PKP2: variants seen among roughly 807,000 people sequenced by gnomAD.
The protein encoded by PKP2 is plakophilin 2.
Under a neutral mutation model 83.4 loss-of-function variants are expected in PKP2, and 73 were observed. The observed-to-expected ratio is 0.88, with a 90% CI of 0.72 to 1.06. The LOEUF is 1.06. PKP2 is among the 50% of genes least tolerant of loss of function. The pLI, the probability that PKP2 is intolerant of heterozygous loss-of-function variation, is 0.00. For missense variants in PKP2, 966 were observed against 1,065.4 expected, an observed-to-expected ratio of 0.91 and a Z score of 1.30; for synonymous variants, 409 against 430.4, an observed-to-expected ratio of 0.95 and a Z score of 0.62.
Position 32,896,523 on chromosome 12 carries a change from C to G in PKP2, c.209G>C (p.Ser70Thr), listed in dbSNP as rs75909145. The G allele has an allele frequency of 1.3e-6, 2 of 1,549,618 alleles. No homozygotes were observed. The highest frequency in any genetic ancestry group is 2.3e-5 in the South Asian group (2 of 85,242). The change falls in exon 1 of 13, where the codon AGC (serine) becomes ACC (threonine). Residue 70 changes from serine to threonine, a missense_variant. Ser to Thr is a moderately conservative substitution (Grantham distance 58). Transcript: ENST00000340811. ...GCTCCACTCACCGTTGCCCACGGAG[C>G]TGCGGCCCTTCCGGGCGAGGGTCTG... Reference protein sequence around the residue: ...VQQTLARKGRSSVGNGNLHRT... With the variant: ...VQQTLARKGRTSVGNGNLHRT...
chr12:32,817,890 T>A (rs1330479583), intron 9 of PKP2, among the ~76,000 whole-genome samples: 1 of 152,174 alleles, frequency 6.6e-6, no homozygotes, highest in Non-Finnish European at 1.5e-5. Context: ...TTATTAGTGC[T>A]TGAGCTCCAC....
At chr12:32,876,966 G>C (rs2137943030) in intron 3 of PKP2, among the ~76,000 whole-genome samples, 1 of 152,332 alleles carries the variant, frequency 6.6e-6, no homozygotes, top group South Asian at 2.1e-4. Flanking sequence ...ATCATTTTGA[G>C]AAGTAGTTTA....
Position 32,880,234 on chromosome 12 carries a change from T to C in PKP2, c.224-1202A>G, listed in dbSNP as rs184558074. Among the ~76,000 whole-genome samples the C allele has an allele frequency of 1.5e-3, 222 of 151,676 alleles. 4 individuals carry two copies. The East Asian group carries it at 0.04, about 27-fold the overall frequency. On this transcript the variant is annotated intron_variant, in intron 1 of 12. Transcript: ENST00000340811. ...TGGCCAACATGGTGAAACCGGTCTCTCCTAAAAATACAAAAATTAGTCGGG... is the reference window on the plus strand; with the variant it reads ...TGGCCAACATGGTGAAACCGGTCTCCCCTAAAAATACAAAAATTAGTCGGG...
At chr12:32,850,096 C>T (rs537499027) in intron 5 of PKP2, among the ~76,000 whole-genome samples, 3 of 152,318 alleles carry the variant, frequency 2.0e-5, no homozygotes, top group African/African-American at 4.8e-5. Flanking sequence ...AAATCCTACA[C>T]GTTCTTAAAC....
chr12:32,860,872 AC>A (rs1391789931), intron 4 of PKP2, among the ~76,000 whole-genome samples: 3 of 152,116 alleles, frequency 2.0e-5, no homozygotes, highest in Non-Finnish European at 4.4e-5. Flanking sequence ...TACTAAAAAT[AC>A]AAAAATTAGC....
chr12:32,829,548 G>A (rs981081907), intron 6 of PKP2, among the ~76,000 whole-genome samples: 2 of 152,022 alleles, frequency 1.3e-5, no homozygotes, highest in Non-Finnish European at 2.9e-5. Flanking sequence ...CCAAAATTTT[G>A]TTTTTTAAAT....
At chr12:32,865,576 C>T (rs769349405) in intron 4 of PKP2, among the ~76,000 whole-genome samples, 11 of 149,234 alleles carry the variant, frequency 7.4e-5, no homozygotes, top group Non-Finnish European at 1.5e-4. Flanking sequence ...ATCCCAGCTA[C>T]TTGGGAGGCT....
chr12:32,840,864 C>T (rs537310336), intron 6 of PKP2, among the ~76,000 whole-genome samples, 164 bp downstream of exon 6: 54 of 151,956 alleles, frequency 3.6e-4, no homozygotes, highest in Admixed American at 5.9e-4. Flanking sequence ...GGCAACAGAG[C>T]GAGACTCTGT....
chr12:32,841,482 A>G (rs887781786), intron 5 of PKP2, among the ~76,000 whole-genome samples: 3 of 152,232 alleles, frequency 2.0e-5, no homozygotes, highest in Non-Finnish European at 4.4e-5. Context: ...GACATGCTTA[A>G]GCATTTATTG....
chr12:32,869,195 A>G, intron 3 of PKP2, 133 bp from the exon 4 acceptor site: 1 of 1,055,450 alleles, frequency 9.5e-7, no homozygotes, highest in East Asian at 2.4e-5. Flanking sequence ...TCTTCAGCCA[A>G]AAGAAAAATC....
intron 4 of PKP2, among the ~76,000 whole-genome samples, chr12:32,867,076 C>G (rs946478618): frequency 6.6e-6 from 1 of 152,164 alleles, no homozygotes; most frequent in Non-Finnish European, 1.5e-5. Flanking sequence ...GCCTGTAACC[C>G]CAGAACTTTG....
rs794729099 is a variant in PKP2 at position 32,792,699 on chromosome 12, G to A, written c.2390C>T (p.Ser797Phe). The change falls in exon 12 of 13, where the codon TCC becomes TTC. Residue 797 changes from serine (S) to phenylalanine (F), a missense_variant. Ser to Phe is a radical substitution (Grantham distance 155, BLOSUM62 -2). Transcript: ENST00000340811. ...TGCCCACAGAGAATACAGAAGGACG[G>A]AAGCAGCTTTACTTGCTTTGTTGGA... ...YASNKASKAA[S>F]VLLYSLWAHT... 6.2e-7 allele frequency: 1 copy of A among 1,614,012 alleles called. No individual in the cohort carries two copies. Among genetic ancestry groups the A allele is most frequent in the African/African-American group, 1.3e-5 (1 of 74,910 alleles).
intron 6 of PKP2, among the ~76,000 whole-genome samples, chr12:32,837,114 T>C (rs899300391): frequency 1.3e-5 from 2 of 152,236 alleles, no homozygotes; most frequent in Admixed American, 1.3e-4. Flanking sequence ...GAAATGCTGA[T>C]ACAGTGCCCA....
At chr12:32,839,403 A>G (rs1171246158) in intron 6 of PKP2, among the ~76,000 whole-genome samples, 4 of 145,368 alleles carry the variant, frequency 2.8e-5, no homozygotes, top group Non-Finnish European at 6.0e-5. Flanking sequence ...GTGGCTAAGC[A>G]AGGGCTGCCT....
chr12:32,832,249 G>A (rs1172635065), intron 6 of PKP2, among the ~76,000 whole-genome samples: 12 of 151,904 alleles, frequency 7.9e-5, no homozygotes, highest in Admixed American at 6.6e-5. Flanking sequence ...GTGGTGGTGC[G>A]CACCTGTAGT....
At chr12:32,841,919 A>G (rs1956596276) in intron 5 of PKP2, among the ~76,000 whole-genome samples, 2 of 152,222 alleles carry the variant, frequency 1.3e-5, no homozygotes, top group South Asian at 4.1e-4. Flanking sequence ...TGCATGGCCT[A>G]AGTACTGCTC....
intron 4 of PKP2, among the ~76,000 whole-genome samples, chr12:32,856,084 C>T (rs1279940424): frequency 6.6e-6 from 1 of 151,848 alleles, no homozygotes; most frequent in Non-Finnish European, 1.5e-5. Context: ...GGTGCATTTC[C>T]TTTTTTGTTT....
At chr12:32,884,870 G>A (rs574960937) in intron 1 of PKP2, among the ~76,000 whole-genome samples, 1 of 151,708 alleles carries the variant, frequency 6.6e-6, no homozygotes, top group Non-Finnish European at 1.5e-5. Flanking sequence ...TGAGGAGCAC[G>A]ATGATATTAC....
At chr12:32,868,859 T>C (rs552486105) in intron 4 of PKP2, 68 bp downstream of exon 4, 1 of 1,497,646 alleles carries the variant, frequency 6.7e-7, no homozygotes, top group Admixed American at 1.7e-5. Flanking sequence ...TTGGTTTCAG[T>C]GTGCAAAGTC....
Sources: allele counts gnomAD v4.1 joint callset (sites outside exome capture counted in the v4.1 genomes callset), GRCh38; gene constraint gnomAD v4.1.1; transcripts MANE v1.5; gene names NCBI Gene and HGNC (gene_info 2026-07-23, HGNC 2026-07-21).